The following ENTPD1 variants were observed in gnomAD, a reference collection of about 807,000 sequenced individuals.
ENTPD1 encodes the protein ATP diphosphohydrolase.
In ENTPD1, 33 loss-of-function variants were observed where a neutral mutation model predicts 57.0. The ratio of observed to expected loss-of-function variants is 0.58; its 90% CI spans 0.44 to 0.77. The LOEUF is 0.77. ENTPD1 is among the 30% of genes least tolerant of loss of function. ENTPD1 has a pLI of 0.00. For missense variants in ENTPD1, 501 were observed against 603.4 expected, an observed-to-expected ratio of 0.83 and a Z score of 1.78; for synonymous variants, 202 against 218.8, an observed-to-expected ratio of 0.92 and a Z score of 0.68.
chr10:95,704,290 G>GATTTCAAATTTACGTGTA, the ENTPD1 span, among the ~76,000 whole-genome samples: 20 of 152,038 alleles, frequency 1.3e-4, no homozygotes, highest in Non-Finnish European at 1.0e-4. Flanking sequence ...TTGACATGCT[G>GATTTCAAATTTACGTGTA]ATTTCAAATT....
Position 95,740,877 on chromosome 10 carries a change from T to C in ENTPD1, c.37+28884T>C, listed in dbSNP as rs1472283412. On this transcript the variant is annotated intron_variant, in intron 1 of 9. Transcript: ENST00000453258. ...GCTTTCTTACCTTTCTCAGCCTTCATAGAACTGAAGAGAGTTAAGGTCTTG... is the reference window on the plus strand; with the variant it reads ...GCTTTCTTACCTTTCTCAGCCTTCACAGAACTGAAGAGAGTTAAGGTCTTG... Among the ~76,000 whole-genome samples, 8 of 152,222 alleles carry C rather than the reference T, an allele frequency of 5.3e-5. No homozygotes were observed. The East Asian group carries it at 5.8e-4, about 11-fold the overall frequency.
the ENTPD1 span, among the ~76,000 whole-genome samples, chr10:95,706,606 C>G: frequency 6.6e-6 from 1 of 152,204 alleles, no homozygotes; most frequent in East Asian, 1.9e-4. Flanking sequence ...CTCAAACTGT[C>G]AGCAGATGGT....
At chr10:95,800,751 G>A (rs542199212) in intron 1 of ENTPD1, among the ~76,000 whole-genome samples, 27 of 152,194 alleles carry the variant, frequency 1.8e-4, no homozygotes, top group Middle Eastern at 3.4e-3. Flanking sequence ...TATTCTGCCC[G>A]ACCCCACAGG....
Position 95,874,044 on chromosome 10 carries a change from A to G in ENTPD1, c.*7661A>G, listed in dbSNP as rs746740030. Among the ~76,000 whole-genome samples the G allele has an allele frequency of 1.3e-5, 2 of 152,200 alleles. No individual in the cohort carries two copies. Among genetic ancestry groups the G allele is most frequent in the Admixed American group, 6.5e-5 (1 of 15,286 alleles). On this transcript the variant is annotated 3_prime_UTR_variant, in exon 10 of 10. Coordinates refer to ENST00000371205, the MANE Select transcript of ENTPD1 (RefSeq NM_001776.6). The stretch of plus-strand genomic sequence containing the variant: ...ATTTGGGTGGGGACACAGCCAAACC[A>G]TATCATTCCTCCCTGGGCTCCTCCA...
intron 1 of ENTPD1, among the ~76,000 whole-genome samples, chr10:95,822,236 G>A (rs1275297488): frequency 1.3e-5 from 2 of 151,948 alleles, no homozygotes; most frequent in African/African-American, 4.8e-5. Flanking sequence ...TTGACCTCGT[G>A]ATCCACCTGC....
chr10:95,807,282 G>A (rs773556713), intron 1 of ENTPD1, among the ~76,000 whole-genome samples: 21 of 152,234 alleles, frequency 1.4e-4, no homozygotes, highest in Non-Finnish European at 2.1e-4. Context: ...CACTTTCAGT[G>A]AACAAGGCTC....
intron 1 of ENTPD1, among the ~76,000 whole-genome samples, chr10:95,714,768 C>CA (rs1566085705): frequency 6.6e-6 from 1 of 151,852 alleles, no homozygotes; most frequent in Non-Finnish European, 1.5e-5. Context: ...AACAGAATTT[C>CA]AAAAATTTTT....
intron 1 of ENTPD1, among the ~76,000 whole-genome samples, chr10:95,785,923 G>T (rs927648661): frequency 6.6e-6 from 1 of 152,178 alleles, no homozygotes; most frequent in Non-Finnish European, 1.5e-5. Context: ...CATAACAAAT[G>T]GGGAAGAGGA....
At chr10:95,865,761 G>A (rs937875212) in intron 9 of ENTPD1, among the ~76,000 whole-genome samples, 1 of 152,116 alleles carries the variant, frequency 6.6e-6, no homozygotes, top group African/African-American at 2.4e-5. Flanking sequence ...CATGATGTAT[G>A]TGTGTGTATA....
At chr10:95,722,270 T>A (rs1414849196) in intron 1 of ENTPD1, among the ~76,000 whole-genome samples, 1 of 151,596 alleles carries the variant, frequency 6.6e-6, no homozygotes, top group Non-Finnish European at 1.5e-5. Flanking sequence ...ATTGTTTTTT[T>A]GTTTTTTTTT....
intron 1 of ENTPD1, among the ~76,000 whole-genome samples, chr10:95,734,556 A>G (rs1403206327): frequency 6.6e-6 from 1 of 152,248 alleles, no homozygotes; most frequent in African/African-American, 2.4e-5. Flanking sequence ...AGAGGAAAGA[A>G]CAATTAAACG....
chr10:95,768,359 TTTTG>T (rs150968867), intron 1 of ENTPD1, among the ~76,000 whole-genome samples: 11,121 of 152,208 alleles, frequency 0.073, 442 homozygotes, highest in African/African-American at 0.096. Context: ...AATGCTGCTG[TTTTG>T]TTTGTTTGTT....
Position 95,866,930 on chromosome 10 carries a change from C to T in ENTPD1, c.*547C>T, listed in dbSNP as rs1340817116. ...TACAGTAGGCAAATATGTGCTAAAG[C>T]CAAAGAGTTTTATAAGGAAATATAT... On this transcript the variant is annotated 3_prime_UTR_variant, in exon 10 of 10. Transcript: ENST00000371205. The T allele has an allele frequency of 9.9e-7, 1 of 1,013,702 alleles. No homozygotes were observed. The highest frequency in any genetic ancestry group is 9.2e-5 in the East Asian group (1 of 10,900). 62.8% of individuals were successfully genotyped at this position (1,013,702 alleles called of 1,614,324 possible).
At chr10:95,710,108 A>G (rs1050134097), upstream of ENTPD1, among the ~76,000 whole-genome samples, 9 of 151,578 alleles carry the variant, frequency 5.9e-5, no homozygotes, top group South Asian at 1.9e-3. Flanking sequence ...ATTAATTTTT[A>G]TAATAACCAT....
chr10:95,835,393 A>G (rs993310217), intron 2 of ENTPD1, among the ~76,000 whole-genome samples: 1 of 152,210 alleles, frequency 6.6e-6, no homozygotes, highest in Admixed American at 6.5e-5. Flanking sequence ...TAGTGCTGTG[A>G]TAAATATACA....
chr10:95,749,045 C>T (rs752417991), intron 1 of ENTPD1, among the ~76,000 whole-genome samples: 63 of 152,080 alleles, frequency 4.1e-4, no homozygotes, highest in African/African-American at 1.3e-3. Flanking sequence ...ATGTTTATAC[C>T]CCCTTTTGTT....
intron 6 of ENTPD1, among the ~76,000 whole-genome samples, chr10:95,846,945 C>T (rs1013342517): frequency 9.9e-5 from 15 of 151,384 alleles, no homozygotes; most frequent in Admixed American, 7.9e-4. Flanking sequence ...GCTGAGATTG[C>T]GCCATTTTAC....
chr10:95,704,224 AATT>A, the ENTPD1 span, among the ~76,000 whole-genome samples: 4 of 152,320 alleles, frequency 2.6e-5, no homozygotes, highest in African/African-American at 9.6e-5. Flanking sequence ...AGTCTTCCCA[AATT>A]CATGTATAGA....
At chr10:95,808,665 G>T (rs1433915289) in intron 1 of ENTPD1, among the ~76,000 whole-genome samples, 1 of 151,708 alleles carries the variant, frequency 6.6e-6, no homozygotes, top group Non-Finnish European at 1.5e-5. Flanking sequence ...CACATGCCAA[G>T]GCACCTTCTT....
Sources: allele counts gnomAD v4.1 joint callset (sites outside exome capture counted in the v4.1 genomes callset), GRCh38; gene constraint gnomAD v4.1.1; transcripts MANE v1.5; gene names NCBI Gene and HGNC (gene_info 2026-07-23, HGNC 2026-07-21).